The following GUCY1A2 variants were observed in gnomAD, a reference collection of about 807,000 sequenced individuals.
The protein encoded by GUCY1A2 is guanylate cyclase 1 soluble subunit alpha 2.
A neutral mutation model predicts 63.5 loss-of-function variants in GUCY1A2; 27 were observed. The ratio of observed to expected loss-of-function variants is 0.43; its 90% CI spans 0.31 to 0.59. GUCY1A2 has a LOEUF of 0.59. GUCY1A2 is among the 20% of genes least tolerant of loss of function. GUCY1A2 has a pLI of 0.11. For missense variants in GUCY1A2, 768 were observed against 913.3 expected (o/e 0.84, Z 2.05); for synonymous variants, 364 against 343.5 (o/e 1.06, Z -0.66).
intron 1 of GUCY1A2, among the ~76,000 whole-genome samples, chr11:106,990,765 T>A (rs1861460685): frequency 6.6e-6 from 1 of 152,224 alleles, no homozygotes; most frequent in Non-Finnish European, 1.5e-5. Context: ...GACTTCAAAG[T>A]GTATCCTTTT....
At chr11:106,748,896 T>C (rs888710885) in intron 6 of GUCY1A2, among the ~76,000 whole-genome samples, 3 of 152,058 alleles carry the variant, frequency 2.0e-5, no homozygotes, top group African/African-American at 7.2e-5. Flanking sequence ...TCAGACCTCA[T>C]TGTGCACAGC....
intron 1 of GUCY1A2, among the ~76,000 whole-genome samples, chr11:106,990,605 G>A (rs915965011): frequency 8.5e-5 from 13 of 152,258 alleles, no homozygotes; most frequent in South Asian, 2.1e-4. Flanking sequence ...GTGTGTGCGC[G>A]CACGCGCAGC....
intron 3 of GUCY1A2, among the ~76,000 whole-genome samples, chr11:106,948,009 A>G (rs1465016855): frequency 3.3e-5 from 5 of 152,164 alleles, no homozygotes; most frequent in African/African-American, 9.6e-5. Flanking sequence ...GACGAATTAG[A>G]TAAATCAGAA....
intron 4 of GUCY1A2, among the ~76,000 whole-genome samples, chr11:106,818,908 G>A (rs928430195): frequency 1.3e-5 from 2 of 152,140 alleles, no homozygotes; most frequent in African/African-American, 4.8e-5. Flanking sequence ...TTCTATGAAG[G>A]CTGAGGGAGG....
At chr11:106,939,205 G>A (rs1860717929) in intron 4 of GUCY1A2, among the ~76,000 whole-genome samples, 3 of 152,078 alleles carry the variant, frequency 2.0e-5, no homozygotes, top group Admixed American at 1.3e-4. Context: ...TATCATTTTT[G>A]TAATTGCTAT....
At chr11:106,903,265 T>C (rs1565326417) in intron 4 of GUCY1A2, among the ~76,000 whole-genome samples, 1 of 152,178 alleles carries the variant, frequency 6.6e-6, no homozygotes, top group African/African-American at 2.4e-5. Context: ...TCAATTTCAT[T>C]CTACTCTTCT....
At chr11:106,945,152 G>GAAA (rs1387056532) in intron 3 of GUCY1A2, among the ~76,000 whole-genome samples, 1 of 133,932 alleles carries the variant, frequency 7.5e-6, no homozygotes, top group South Asian at 2.4e-4. Context: ...TTGGATTCCT[G>GAAA]AAAAAAAAAA....
In GUCY1A2 at chr11:106,683,760, T is replaced by C. The variant is rs1377972165; in HGVS notation, c.*3789A>G. ...AAAGTTTTACTTTTTGCCTTAACCA[T>C]CCACAACACCTGCTCTCAGAAAGTC... On this transcript the variant is annotated 3_prime_UTR_variant, in exon 8 of 8. Coordinates refer to ENST00000526355, the MANE Select transcript of GUCY1A2 (RefSeq NM_000855.3). 1 of 219,566 alleles carries C rather than the reference T, an allele frequency of 4.6e-6. No individual in the cohort carries two copies. The highest frequency in any genetic ancestry group is 9.1e-6 in the Non-Finnish European group (1 of 109,414). The allele number at this position is 219,566 out of a possible 1,614,324, so 13.6% of individuals were successfully genotyped here.
intron 4 of GUCY1A2, among the ~76,000 whole-genome samples, chr11:106,914,928 T>C (rs1171267043): frequency 1.3e-5 from 2 of 152,042 alleles, no homozygotes; most frequent in African/African-American, 2.4e-5. Flanking sequence ...GATCAGACAA[T>C]GCAAGCAAGA....
At chr11:106,976,086 T>C (rs1714664252) in intron 3 of GUCY1A2, among the ~76,000 whole-genome samples, 1 of 152,120 alleles carries the variant, frequency 6.6e-6, no homozygotes, top group Non-Finnish European at 1.5e-5. Flanking sequence ...AATATACAAA[T>C]AAGTGAATAA....
intron 7 of GUCY1A2, among the ~76,000 whole-genome samples, chr11:106,698,183 G>A (rs1423403535): frequency 7.2e-6 from 1 of 139,448 alleles, no homozygotes; most frequent in Admixed American, 7.4e-5. Flanking sequence ...GCAGTGGTGT[G>A]ATCACGGCTT....
At chr11:106,694,012 G>A (rs1047502694) in intron 7 of GUCY1A2, among the ~76,000 whole-genome samples, 2 of 152,082 alleles carry the variant, frequency 1.3e-5, no homozygotes, top group African/African-American at 2.4e-5. Flanking sequence ...AAGTCATTAT[G>A]ACATGGTTAG....
chr11:106,692,263 T>A (rs1054600934), intron 7 of GUCY1A2, among the ~76,000 whole-genome samples: 61 of 152,180 alleles, frequency 4.0e-4, no homozygotes, highest in African/African-American at 1.4e-3. Flanking sequence ...TGTTACACAC[T>A]CTGGGAGTTT....
intron 6 of GUCY1A2, among the ~76,000 whole-genome samples, chr11:106,741,340 A>G (rs1863691135): frequency 6.6e-6 from 1 of 152,192 alleles, no homozygotes; most frequent in Non-Finnish European, 1.5e-5. Context: ...CAATAGTCAC[A>G]TGTGGCTAGT....
chr11:106,873,753 G>A (rs1004403018), intron 4 of GUCY1A2, among the ~76,000 whole-genome samples: 2 of 152,060 alleles, frequency 1.3e-5, no homozygotes, highest in Admixed American at 6.6e-5. Flanking sequence ...CTTTTGTTGT[G>A]CAGAAGCTCT....
intron 4 of GUCY1A2, chr11:106,824,252 T>G (rs1393765147): frequency 1.3e-6 from 1 of 790,552 alleles, no homozygotes; most frequent in Non-Finnish European, 1.7e-6. Context: ...GATGCTTTTC[T>G]GTCATATTCC....
intron 4 of GUCY1A2, among the ~76,000 whole-genome samples, chr11:106,855,892 A>ATTTT (rs1277246984): frequency 3.3e-5 from 1 of 29,914 alleles, no homozygotes; most frequent in Non-Finnish European, 6.2e-5. Context: ...GGTCTCTTGT[A>ATTTT]TTTTATTTAT....
intron 5 of GUCY1A2, among the ~76,000 whole-genome samples, chr11:106,800,505 T>C (rs1195681420): frequency 1.3e-5 from 2 of 152,094 alleles, no homozygotes; most frequent in African/African-American, 4.8e-5. Context: ...CCATCAATGA[T>C]AGACTGGATT....
At chr11:106,974,290 C>T (rs1163803094) in intron 3 of GUCY1A2, among the ~76,000 whole-genome samples, 1 of 152,050 alleles carries the variant, frequency 6.6e-6, no homozygotes, top group Non-Finnish European at 1.5e-5. Context: ...GTTGTTACTA[C>T]ACTAACTAGT....
Sources: allele counts gnomAD v4.1 joint callset (sites outside exome capture counted in the v4.1 genomes callset), GRCh38; gene constraint gnomAD v4.1.1; transcripts MANE v1.5; gene names NCBI Gene and HGNC (gene_info 2026-07-23, HGNC 2026-07-21).